The following PAWR variants were observed in gnomAD, a reference collection of about 807,000 sequenced individuals.
PAWR encodes PRKC apoptosis WT1 regulator protein.
A neutral mutation model predicts 32.0 loss-of-function variants in PAWR; 23 were observed. The ratio of observed to expected loss-of-function variants is 0.72; its 90% confidence interval spans 0.52 to 1.02. The LOEUF (loss-of-function observed/expected upper bound fraction) is 1.02, where lower values mean the gene tolerates loss of function less well. Ranked by LOEUF, PAWR falls within the 50% of genes least tolerant of loss-of-function variation. PAWR has a pLI of 0.00. For missense variants in PAWR, 457 were observed against 437.7 expected (o/e 1.04, Z -0.39); for synonymous variants, 226 against 187.1 (o/e 1.21, Z -1.70).
intron 4 of PAWR, among the ~76,000 whole-genome samples, chr12:79,600,322 TC>T (rs1470109649): frequency 6.6e-6 from 1 of 152,168 alleles, no homozygotes; most frequent in Non-Finnish European, 1.5e-5. Flanking sequence ...AAATTTTGCT[TC>T]CAGGATTTAA....
intron 2 of PAWR, among the ~76,000 whole-genome samples, chr12:79,657,025 A>G (rs1311215896): frequency 1.3e-5 from 2 of 152,176 alleles, no homozygotes; most frequent in East Asian, 3.9e-4. Context: ...ATTGAACAGC[A>G]TCTTACGCAC....
At chr12:79,625,795 G>T (rs569711123) in intron 2 of PAWR, among the ~76,000 whole-genome samples, 45 of 151,752 alleles carry the variant, frequency 3.0e-4, no homozygotes, top group Non-Finnish European at 5.6e-4. Context: ...ACTCCAGCCT[G>T]GGCGACAGAG....
rs75594134 is a variant in PAWR at position 79,651,291 on chromosome 12, G to A, written c.517-30084C>T. 4.1e-3 allele frequency among the ~76,000 whole-genome samples: 629 copies of A among 151,980 alleles called. 6 individuals carry two copies. Among genetic ancestry groups the A allele is most frequent in the African/African-American group, 0.014 (582 of 41,450 alleles). Reference sequence around the variant, plus strand: ...ACAAAAAAATACACCAAGATGAAAAGGCAATTCAGAAAAGAAATACAAACA... The same window carrying A: ...ACAAAAAAATACACCAAGATGAAAAAGCAATTCAGAAAAGAAATACAAACA... On this transcript the variant is annotated intron_variant, in intron 2 of 6. Transcript: ENST00000328827.
Position 79,621,165 on chromosome 12 carries a change from G to A in PAWR, c.559C>T (p.Arg187Trp), listed in dbSNP as rs147882965. The change falls in exon 3 of 7, where the codon CGG becomes TGG. Residue 187 changes from arginine to tryptophan, a missense_variant. Transcript: ENST00000328827. ...YEDDEAGQKE[R>W]KREDAITQQN... is the part of the protein sequence containing the mutation. ...TGTGTAATTGCATCTTCTCGTTTCC[G>A]CTCTTTCTGCCCTGCTTCATCATCT... The A allele has an allele frequency of 3.5e-5, 56 of 1,610,470 alleles. No homozygotes were observed. The highest frequency in any genetic ancestry group is 4.6e-5 in the Non-Finnish European group (54 of 1,178,408).
intron 2 of PAWR, among the ~76,000 whole-genome samples, chr12:79,689,208 T>G (rs1190694961): frequency 2.0e-5 from 3 of 152,212 alleles, no homozygotes; most frequent in Non-Finnish European, 4.4e-5. Context: ...ACGTATTCAT[T>G]TGGATATACT....
chr12:79,618,648 T>C (rs1461260575), intron 3 of PAWR, among the ~76,000 whole-genome samples: 7 of 152,182 alleles, frequency 4.6e-5, no homozygotes, highest in Non-Finnish European at 8.8e-5. Context: ...TTTGACTTTT[T>C]TGGATTCCAC....
intron 2 of PAWR, among the ~76,000 whole-genome samples, chr12:79,658,399 T>C (rs1877193409): frequency 6.6e-6 from 1 of 152,184 alleles, no homozygotes; most frequent in Non-Finnish European, 1.5e-5. Context: ...CTTGAAATTC[T>C]TCCAGTTTTT....
At chr12:79,637,068 A>T (rs1292159155) in intron 2 of PAWR, among the ~76,000 whole-genome samples, 1 of 152,226 alleles carries the variant, frequency 6.6e-6, no homozygotes, top group African/African-American at 2.4e-5. Context: ...GCATTTATGT[A>T]CAATAAATTA....
chr12:79,630,822 C>A (rs1875583896), intron 2 of PAWR, among the ~76,000 whole-genome samples: 1 of 148,848 alleles, frequency 6.7e-6, no homozygotes, highest in South Asian at 2.1e-4. Context: ...TACTTCTCAA[C>A]TTATTTTGAG....
At chr12:79,648,793 G>GAA (rs376381774) in intron 2 of PAWR, among the ~76,000 whole-genome samples, 32 of 120,396 alleles carry the variant, frequency 2.7e-4, no homozygotes, top group African/African-American at 1.4e-3. Context: ...ACAGGGGCTA[G>GAA]AAAAAAAAAA....
rs771482274 is a variant in PAWR, at chr12:79,639,869, TATTCCTATTCCTATTCC to T, written c.517-18679_517-18663del. ...CTATTCCTATTCCTATTCCTATTCC[TATTCCTATTCCTATTCC>T]ATTCCATTCCATTCCATTCCATTCC... On this transcript the variant is annotated intron_variant, in intron 2 of 6. Transcript: ENST00000328827. Among the ~76,000 whole-genome samples the T allele has an allele frequency of 4.2e-3, 444 of 105,472 alleles. 11 individuals carry two copies. The highest frequency in any genetic ancestry group is 0.02 in the African/African-American group (385 of 19,432). The allele number at this position is 105,472 out of a possible 152,430, so 69.2% of individuals were successfully genotyped here.
chr12:79,646,733 C>T (rs1876592950), intron 2 of PAWR, among the ~76,000 whole-genome samples: 1 of 151,984 alleles, frequency 6.6e-6, no homozygotes, highest in Admixed American at 6.5e-5. Flanking sequence ...ATAGATAATT[C>T]AATACAATTA....
intron 2 of PAWR, among the ~76,000 whole-genome samples, chr12:79,662,622 G>C (rs1011037539): frequency 6.6e-6 from 1 of 152,146 alleles, no homozygotes; most frequent in African/African-American, 2.4e-5. Flanking sequence ...CAAGGCAAAA[G>C]TATCACTCAT....
At chr12:79,681,285 T>C (rs1488574449) in intron 2 of PAWR, among the ~76,000 whole-genome samples, 1 of 152,128 alleles carries the variant, frequency 6.6e-6, no homozygotes, top group African/African-American at 2.4e-5. Context: ...AGTATTTTAA[T>C]ATCAAACAGC....
chr12:79,682,701 A>G (rs2136885835), intron 2 of PAWR, among the ~76,000 whole-genome samples: 1 of 152,344 alleles, frequency 6.6e-6, no homozygotes, highest in South Asian at 2.1e-4. Flanking sequence ...TACATAGCCT[A>G]AGGAGAATGT....
intron 4 of PAWR, among the ~76,000 whole-genome samples, chr12:79,604,931 T>C (rs1874108853): frequency 6.6e-6 from 1 of 152,186 alleles, no homozygotes; most frequent in African/African-American, 2.4e-5. Context: ...ATGTTTAGCC[T>C]TCTGGATCAG....
At position 79,690,247 on chromosome 12, in the gene PAWR, T is replaced by G; in HGVS notation, c.-3A>C. On this transcript the variant is annotated 5_prime_UTR_variant, in exon 2 of 7. Transcript: ENST00000328827. ...GTCCGGTAGCCACCGGTCGCCATAT[T>G]CCCAAAGGGGCCGGTCGGGCTCTCA... The G allele has an allele frequency of 6.7e-7, 1 of 1,502,884 alleles. No individual in the cohort carries two copies. Among genetic ancestry groups the G allele is most frequent in the Non-Finnish European group, 8.8e-7 (1 of 1,130,518 alleles). 93.1% of individuals were successfully genotyped at this position (1,502,884 alleles called of 1,614,324 possible). A position where few individuals can be genotyped will look rare whatever the true frequency, so the allele number is the denominator to read the frequency against.
chr12:79,659,845 T>C (rs1463980189), intron 2 of PAWR, among the ~76,000 whole-genome samples: 2 of 152,166 alleles, frequency 1.3e-5, no homozygotes, highest in African/African-American at 4.8e-5. Flanking sequence ...AAAGGAAATA[T>C]TTGGATTTAA....
intron 2 of PAWR, among the ~76,000 whole-genome samples, chr12:79,649,469 G>T (rs1876738171): frequency 1.3e-5 from 2 of 151,908 alleles, no homozygotes. Context: ...ATATTAAAAA[G>T]TTGGAGAGTC....
Sources: allele counts gnomAD v4.1 joint callset (sites outside exome capture counted in the v4.1 genomes callset), GRCh38; gene constraint gnomAD v4.1.1; transcripts MANE v1.5; gene names NCBI Gene and HGNC (gene_info 2026-07-23, HGNC 2026-07-21).